The following NDC80 variants were observed in gnomAD, a reference collection of about 807,000 sequenced individuals.
NDC80 encodes kinetochore protein NDC80 homolog.
In NDC80, 69 loss-of-function variants were observed where a neutral mutation model predicts 89.3. The ratio of observed to expected loss-of-function variants is 0.77; its 90% CI spans 0.64 to 0.94. NDC80 has a LOEUF of 0.94. Ranked by LOEUF, NDC80 falls within the 40% of genes least tolerant of loss-of-function variation. The pLI is 0.00. For missense variants in NDC80, 593 were observed against 739.6 expected, an observed-to-expected ratio of 0.80 and a Z score of 2.30; for synonymous variants, 243 against 255.6, an observed-to-expected ratio of 0.95 and a Z score of 0.47.
At chr18:2,579,700 T>C (rs964772427) in intron 6 of NDC80, among the ~76,000 whole-genome samples, 7 of 152,352 alleles carry the variant, frequency 4.6e-5, no homozygotes, top group African/African-American at 1.7e-4. Flanking sequence ...GTGCTGGGAT[T>C]ACAGGCCTAA....
rs1423179414 is a variant in NDC80 at position 2,603,011 on chromosome 18, A to G, written c.1464+1526A>G. ...GACTTCCATATTTTTGATGTGGGCAACTGAGTGAATCATAGTGCTATTAAC... is the reference window on the plus strand; with the variant it reads ...GACTTCCATATTTTTGATGTGGGCAGCTGAGTGAATCATAGTGCTATTAAC... On this transcript the variant is annotated intron_variant, in intron 13 of 16. Coordinates refer to ENST00000261597, the MANE Select transcript of NDC80 (RefSeq NM_006101.3). Among the ~76,000 whole-genome samples the G allele has an allele frequency of 3.3e-5, 5 of 152,164 alleles. No individual in the cohort carries two copies. In the East Asian group the frequency reaches 9.6e-4, roughly 29 times the overall value.
chr18:2,580,318 C>T (rs537141485), intron 6 of NDC80, among the ~76,000 whole-genome samples: 116 of 151,574 alleles, frequency 7.7e-4, no homozygotes, highest in African/African-American at 2.6e-3. Context: ...ATGGTGCAAG[C>T]AATTTTTTTC....
At chr18:2,610,542 C>T (rs1216592660) in intron 15 of NDC80, among the ~76,000 whole-genome samples, 1 of 152,144 alleles carries the variant, frequency 6.6e-6, no homozygotes, top group African/African-American at 2.4e-5. Context: ...AAACATGGTG[C>T]TCTTTTGTTT....
intron 10 of NDC80, among the ~76,000 whole-genome samples, chr18:2,592,360 T>G (rs2072631987): frequency 6.7e-6 from 1 of 148,800 alleles, no homozygotes; most frequent in East Asian, 2.0e-4. Flanking sequence ...TTTATTTTGT[T>G]TTTTTTTTTT....
intron 15 of NDC80, among the ~76,000 whole-genome samples, chr18:2,610,458 C>T (rs544862214): frequency 6.6e-6 from 1 of 152,250 alleles, no homozygotes; most frequent in Non-Finnish European, 1.5e-5. Context: ...TTTTGTCTTG[C>T]CCAGAAAGCA....
At chr18:2,585,783 G>C (rs1452882098) in intron 7 of NDC80, among the ~76,000 whole-genome samples, 2 of 151,952 alleles carry the variant, frequency 1.3e-5, no homozygotes, top group Non-Finnish European at 2.9e-5. Context: ...GAAGGGGATT[G>C]GAATTAAATC....
In NDC80 at chr18:2,580,731, A is replaced by ATTTTT. The variant is rs71365186; in HGVS notation, c.579+1727_579+1731dup. On this transcript the variant is annotated intron_variant, in intron 6 of 16. Coordinates refer to ENST00000261597, the MANE Select transcript of NDC80 (RefSeq NM_006101.3). ...ACTACTTTTTTGGTCTCACCATCAG[A>ATTTTT]TTTTTTTTTTTTTTTTTTTTTTTTT... 7.3e-3 allele frequency among the ~76,000 whole-genome samples: 404 copies of ATTTTT among 55,446 alleles called. 101 individuals are homozygous for ATTTTT. Among genetic ancestry groups the ATTTTT allele is most frequent in the Non-Finnish European group, 9.2e-3 (261 of 28,500 alleles). 36.4% of individuals were successfully genotyped at this position (55,446 alleles called of 152,430 possible).
At chr18:2,580,731 A>ATTTTTTTTTTTT (rs71365186) in intron 6 of NDC80, among the ~76,000 whole-genome samples, 1,157 of 55,456 alleles carry the variant, frequency 0.021, 324 homozygotes, top group East Asian at 0.062. Context: ...TCACCATCAG[A>ATTTTTTTTTTTT]TTTTTTTTTT....
intron 6 of NDC80, chr18:2,582,236 C>G (rs2143637719): frequency 6.6e-6 from 1 of 152,336 alleles, no homozygotes; most frequent in South Asian, 2.1e-4. Context: ...ACCACCACGC[C>G]CAGCTAATTT....
At chr18:2,608,661 A>T in intron 14 of NDC80, 39 bp from the exon 15 acceptor site, 1 of 1,580,742 alleles carries the variant, frequency 6.3e-7, no homozygotes, top group Non-Finnish European at 8.6e-7. Context: ...ACAGAATGTG[A>T]ATATCAAGAA....
In NDC80 at chr18:2,595,457, C is replaced by T; in HGVS notation, c.1057C>T (p.Gln353Ter). Reference protein sequence around the residue: ...ETIKQENTRLQNIIDNQKYSV... With the variant: ...ETIKQENTRL ...AATAAAACAGGAGAACACTCGACTA[C>T]AGAATATCATTGACAACCAGAAGTA... is the stretch of plus-strand genomic sequence containing the variant. Residue 353 changes from glutamine (Q) to a stop codon, truncating the protein, a stop_gained, in exon 11 of 17, where the codon CAG (glutamine) becomes TAG (stop). Transcript: ENST00000261597. LOFTEE classifies it high-confidence loss of function. 1 of 1,613,738 alleles carries T rather than the reference C, an allele frequency of 6.2e-7. No individual in the cohort carries two copies. Among genetic ancestry groups the T allele is most frequent in the Non-Finnish European group, 8.5e-7 (1 of 1,179,828 alleles).
Position 2,614,653 on chromosome 18 carries a change from G to T in NDC80, c.1792-1784G>T, listed in dbSNP as rs138654857. 2.1e-3 allele frequency among the ~76,000 whole-genome samples: 172 copies of T among 82,166 alleles called. 33 individuals carry two copies. The highest frequency in any genetic ancestry group is 6.3e-3 in the Middle Eastern group (1 of 160). 53.9% of individuals were successfully genotyped at this position (82,166 alleles called of 152,430 possible). A position where few individuals can be genotyped will look rare whatever the true frequency, so the allele number is the denominator to read the frequency against. Reference sequence around the variant, plus strand: ...AGAAAGAAAGAAAGAAAGAAAGAAAGAAATAAATTTGGCAATCCGAAAAAC... The same window carrying T: ...AGAAAGAAAGAAAGAAAGAAAGAAATAAATAAATTTGGCAATCCGAAAAAC... On this transcript the variant is annotated intron_variant, in intron 16 of 16. Transcript: ENST00000261597.
chr18:2,602,895 G>A (rs748291662), intron 13 of NDC80, among the ~76,000 whole-genome samples: 4 of 152,198 alleles, frequency 2.6e-5, no homozygotes, highest in African/African-American at 9.6e-5. Context: ...GAACTAGAGG[G>A]AAGGAAACAG....
At position 2,577,757 on chromosome 18, in the gene NDC80, A is replaced by T; in HGVS notation, c.191A>T (p.His64Leu). The change falls in exon 4 of 17, where the codon CAT becomes CTT. Residue 64 changes from histidine (H) to leucine (L), a missense_variant. Physicochemically the swap from His to Leu is moderately conservative, Grantham distance 99. Coordinates refer to ENST00000261597, the MANE Select transcript of NDC80 (RefSeq NM_006101.3). ...AAATATATTTCCAGAACTAGTGGAC[A>T]TGGATCCCGGAATAGTCAACTTGGT... ...VSLFGKRTSG[H>L]GSRNSQLGIF... is the part of the protein sequence containing the mutation. 1.9e-6 allele frequency: 3 copies of T among 1,613,990 alleles called. No homozygotes were observed. In the South Asian group the frequency reaches 3.3e-5, roughly 18 times the overall value.
At chr18:2,600,554 G>A (rs986732577) in intron 12 of NDC80, among the ~76,000 whole-genome samples, 1 of 151,768 alleles carries the variant, frequency 6.6e-6, no homozygotes, top group Non-Finnish European at 1.5e-5. Context: ...GTTGCAGTGA[G>A]CCAGGATCAC....
At chr18:2,580,948 G>T (rs975251586) in intron 6 of NDC80, among the ~76,000 whole-genome samples, 6 of 151,490 alleles carry the variant, frequency 4.0e-5, no homozygotes, top group Non-Finnish European at 7.4e-5. Context: ...CACCATCTTG[G>T]CCAGGCTGGT....
At chr18:2,607,601 CTG>C (rs2072718731) in intron 14 of NDC80, among the ~76,000 whole-genome samples, 1 of 152,070 alleles carries the variant, frequency 6.6e-6, no homozygotes, top group African/African-American at 2.4e-5. Flanking sequence ...GCCCTAAAAA[CTG>C]AACCAATTTT....
At chr18:2,611,045 A>AT (rs34508122) in intron 16 of NDC80, among the ~76,000 whole-genome samples, 184 bp downstream of exon 16, 50,117 of 112,558 alleles carry the variant, frequency 0.45, 11,987 homozygotes, top group East Asian at 0.79. Context: ...ACACTTGAGC[A>AT]TTTTTTTTTT....
At chr18:2,608,274 C>T (rs1191676771) in intron 14 of NDC80, among the ~76,000 whole-genome samples, 3 of 151,748 alleles carry the variant, frequency 2.0e-5, no homozygotes, top group Non-Finnish European at 4.4e-5. Flanking sequence ...GGCACAGTCT[C>T]AGCTCACTGC....
Sources: allele counts gnomAD v4.1 joint callset (sites outside exome capture counted in the v4.1 genomes callset), GRCh38; gene constraint gnomAD v4.1.1; transcripts MANE v1.5; gene names NCBI Gene and HGNC (gene_info 2026-07-23, HGNC 2026-07-21).